Variants in PXDN observed in about 807,000 individuals in gnomAD.
PXDN encodes the protein peroxidasin homolog.
In PXDN, 77 loss-of-function variants were observed where a neutral mutation model predicts 140.3. That is an observed-to-expected ratio of 0.55 (90% CI 0.46 to 0.66). The LOEUF (loss-of-function observed/expected upper bound fraction) is 0.66. Ranked by LOEUF, PXDN falls within the 30% of genes least tolerant of loss-of-function variation. The pLI is 0.00. For missense variants in PXDN, 1,838 were observed against 2,039.5 expected (o/e 0.90, Z 1.90); for synonymous variants, 911 against 857.4 (o/e 1.06, Z -1.09).
At chr2:1,664,789 G>C in intron 11 of PXDN, 169 bp downstream of exon 11, 2 of 599,748 alleles carry the variant, frequency 3.3e-6, no homozygotes, top group Non-Finnish European at 5.8e-6. Flanking sequence ...AGGAAGCCGC[G>C]GGGGATGTGC....
chr2:1,662,768 G>A (rs1296336647), intron 12 of PXDN, among the ~76,000 whole-genome samples: 1 of 152,294 alleles, frequency 6.6e-6, no homozygotes, highest in East Asian at 1.9e-4. Context: ...CCGGCGGGCC[G>A]GTCATCAACA....
At chr2:1,737,665 G>A (rs921060462) in intron 1 of PXDN, among the ~76,000 whole-genome samples, 10 of 151,646 alleles carry the variant, frequency 6.6e-5, no homozygotes, top group Admixed American at 4.6e-4. Context: ...TCAGCCTCCC[G>A]ATAGCTGGAA....
intron 21 of PXDN, 32 bp downstream of exon 21, chr2:1,638,814 A>G (rs750158755): frequency 6.2e-7 from 1 of 1,613,616 alleles, no homozygotes; most frequent in South Asian, 1.1e-5. Context: ...GGAATCTTGG[A>G]GTGGGGGGAC....
At position 1,632,220 on chromosome 2, in the gene PXDN, A is replaced by G. The variant is rs1038940832; in HGVS notation, c.*1984T>C. 7 of 152,140 alleles carry G rather than the reference A, an allele frequency of 4.6e-5. No homozygotes were observed. The highest frequency in any genetic ancestry group is 1.7e-4 in the African/African-American group (7 of 41,426). The allele number at this position is 152,140 out of a possible 1,614,324, so 9.4% of individuals were successfully genotyped here. On this transcript the variant is annotated 3_prime_UTR_variant, in exon 23 of 23. Coordinates refer to ENST00000252804, the MANE Select transcript of PXDN (RefSeq NM_012293.3). This position sits in a 1 kb window ranked among gnomAD's most constrained non-coding sequence, Gnocchi z 4.3. ...GGCTTAGACAACACAATTCCTTGTGACTGGCCCAGACCGCACATTACGCAG... is the reference window on the plus strand; with the variant it reads ...GGCTTAGACAACACAATTCCTTGTGGCTGGCCCAGACCGCACATTACGCAG...
intron 1 of PXDN, among the ~76,000 whole-genome samples, chr2:1,731,749 G>A (rs1432980641): frequency 6.6e-6 from 1 of 152,186 alleles, no homozygotes; most frequent in Non-Finnish European, 1.5e-5. Context: ...CCAGTGAAGA[G>A]CTGCCCAGCC....
chr2:1,646,675 G>A (rs1307433490), intron 17 of PXDN, among the ~76,000 whole-genome samples: 1 of 152,168 alleles, frequency 6.6e-6, no homozygotes, highest in Admixed American at 6.5e-5. Context: ...GATCCTAACA[G>A]GGTATGTCCT....
At position 1,664,041 on chromosome 2, in the gene PXDN, G is replaced by T. The variant is rs1432518022; in HGVS notation, c.1409-278C>A. 4 of 417,834 alleles carry T rather than the reference G, an allele frequency of 9.6e-6. No individual in the cohort carries two copies. The East Asian group carries it at 1.3e-4, about 13-fold the overall frequency. 25.9% of individuals were successfully genotyped at this position (417,834 alleles called of 1,614,324 possible). A position where few individuals can be genotyped will look rare whatever the true frequency, so the allele number is the denominator to read the frequency against. ...CCAGGAGGACATGGGGACTCGGGGA[G>T]TCAGAGCGGGGTGGATGGCCAGCTG... On this transcript the variant is annotated intron_variant, in intron 11 of 22. Transcript: ENST00000252804.
rs774147520 is a variant in PXDN, at chr2:1,638,982, T to C, written c.4074-4A>G. On this transcript the variant is annotated splice_polypyrimidine_tract_variant and splice_region_variant and intron_variant, in intron 20 of 22. Coordinates refer to ENST00000252804, the MANE Select transcript of PXDN (RefSeq NM_012293.3). The stretch of plus-strand genomic sequence containing the variant: ...ATGTTCCCCCTGTCTCCCAACACTG[T>C]GGTGAGGGGAAAGGAGGAGGAGGGA... 5.0e-6 allele frequency: 8 copies of C among 1,613,640 alleles called. No individual in the cohort carries two copies. The highest frequency in any genetic ancestry group is 5.9e-6 in the Non-Finnish European group (7 of 1,179,620).
rs184595759 is a variant in PXDN at position 1,677,697 on chromosome 2, C to T, written c.731-653G>A. ...AGGCTCCCGTCCCTGGTGGCTGCTC[C>T]GGAGCTCCAGGCCCGCACAGGGAGC... On this transcript the variant is annotated intron_variant, in intron 7 of 22. Transcript: ENST00000252804. Among the ~76,000 whole-genome samples the T allele has an allele frequency of 9.2e-5, 14 of 152,282 alleles. No individual in the cohort carries two copies. The South Asian group carries it at 1.9e-3, about 20-fold the overall frequency.
intron 9 of PXDN, among the ~76,000 whole-genome samples, chr2:1,670,858 C>G (rs1683556236): frequency 1.3e-5 from 2 of 152,204 alleles, no homozygotes; most frequent in South Asian, 4.1e-4. Flanking sequence ...GCCTGCCCCA[C>G]CCAGGGAACA....
At chr2:1,709,303 G>A (rs78139473) in intron 1 of PXDN, among the ~76,000 whole-genome samples, 13,753 of 152,210 alleles carry the variant, frequency 0.09, 1,646 homozygotes, top group East Asian at 0.29. Flanking sequence ...GGAGGCCCGG[G>A]AGTAGCTATG....
rs1243658006 is a variant in PXDN at position 1,687,005 on chromosome 2, C to G, written c.416+627G>C. Among the ~76,000 whole-genome samples the G allele has an allele frequency of 1.3e-5, 2 of 152,222 alleles. No individual in the cohort carries two copies. Among genetic ancestry groups the G allele is most frequent in the Admixed American group, 1.3e-4 (2 of 15,274 alleles). The stretch of plus-strand genomic sequence containing the variant: ...GACTGGCCGAGCAAACAAACCAGGA[C>G]AAATCCTCCTTTTTACCAGGACATT... On this transcript the variant is annotated intron_variant, in intron 4 of 22. Coordinates refer to ENST00000252804, the MANE Select transcript of PXDN (RefSeq NM_012293.3). The surrounding 1 kb of genome is among the most constrained non-coding windows in gnomAD (Gnocchi z 4.0).
chr2:1,679,995 GGTAT>G (rs1461911857), intron 7 of PXDN, among the ~76,000 whole-genome samples, 194 bp downstream of exon 7: 1 of 139,652 alleles, frequency 7.2e-6, no homozygotes, highest in African/African-American at 2.7e-5. Flanking sequence ...GTGTGTAAAT[GGTAT>G]GTGTGTGTGT....
chr2:1,742,241 A>G (rs1001006022), intron 1 of PXDN, among the ~76,000 whole-genome samples: 5 of 152,240 alleles, frequency 3.3e-5, no homozygotes, highest in Non-Finnish European at 5.9e-5. Context: ...TTTCTCCAGT[A>G]AAGTGTTTAG....
chr2:1,699,389 GTTT>G (rs930416927), intron 1 of PXDN, among the ~76,000 whole-genome samples: 3 of 152,218 alleles, frequency 2.0e-5, no homozygotes, highest in Non-Finnish European at 2.9e-5. Flanking sequence ...TCTCAGATGT[GTTT>G]GAATTCATTT....
chr2:1,724,522 G>C (rs1455834841), intron 1 of PXDN, among the ~76,000 whole-genome samples: 1 of 152,072 alleles, frequency 6.6e-6, no homozygotes, highest in Non-Finnish European at 1.5e-5. Context: ...AGAACACCTT[G>C]GTATGGAGGA....
At chr2:1,735,647 G>A (rs1685411450) in intron 1 of PXDN, among the ~76,000 whole-genome samples, 1 of 152,112 alleles carries the variant, frequency 6.6e-6, no homozygotes, top group East Asian at 1.9e-4. Flanking sequence ...CTGTCATCCA[G>A]GCCTTGTTTT....
chr2:1,677,813 C>G (rs113961801), intron 7 of PXDN, among the ~76,000 whole-genome samples: 3 of 152,334 alleles, frequency 2.0e-5, no homozygotes, highest in African/African-American at 7.2e-5. Context: ...CCTCAGTGTG[C>G]GAATCTGTCT....
intron 1 of PXDN, among the ~76,000 whole-genome samples, chr2:1,705,453 C>G (rs1009152862): frequency 6.7e-6 from 1 of 148,822 alleles, no homozygotes; most frequent in Non-Finnish European, 1.5e-5. Flanking sequence ...ACCTGGGATG[C>G]AGGGTGCAGC....
Sources: gnomAD v4.1 joint callset for allele counts (sites outside exome capture counted in the v4.1 genomes callset) on GRCh38, gnomAD v4.1.1 for gene constraint, Gnocchi (gnomAD v3.1) non-coding constraint, MANE v1.5 for transcripts, NCBI Gene and HGNC (gene_info 2026-07-23, HGNC 2026-07-21) for gene names.